The following SEC31A variants were observed in gnomAD, a reference collection of about 807,000 sequenced individuals.
The protein encoded by SEC31A is SEC31 homolog A, COPII component.
Under a neutral mutation model 151.0 loss-of-function variants are expected in SEC31A, and 70 were observed. That is an observed-to-expected ratio of 0.46 (90% CI 0.38 to 0.57). The LOEUF (loss-of-function observed/expected upper bound fraction) is 0.57, where lower values mean the gene tolerates loss of function less well. Ranked by LOEUF, SEC31A falls within the 20% of genes least tolerant of loss-of-function variation. The probability of loss-of-function intolerance (pLI) is 0.00; values close to 1 mark genes in which losing one functional copy is unlikely to be tolerated. For synonymous variants in SEC31A, 475 were observed against 505.9 expected, an observed-to-expected ratio of 0.94 and a Z score of 0.82; for missense variants, 1,330 against 1,471.2, an observed-to-expected ratio of 0.90 and a Z score of 1.57.
intron 19 of SEC31A, among the ~76,000 whole-genome samples, chr4:82,850,691 A>G (rs1731280386): frequency 6.6e-6 from 1 of 152,200 alleles, no homozygotes; most frequent in African/African-American, 2.4e-5. Context: ...CCCATGCTCC[A>G]TAACTGGGTT....
chr4:82,841,442 TTATATATATATATATA>T (rs58373170), intron 22 of SEC31A, among the ~76,000 whole-genome samples: 1 of 64,460 alleles, frequency 1.6e-5, no homozygotes, highest in Admixed American at 2.6e-4. Flanking sequence ...AAAAAAAATT[TTATATATATATATATA>T]TATATATATA....
chr4:82,848,275 C>T (rs1244948455), intron 20 of SEC31A, among the ~76,000 whole-genome samples: 1 of 149,340 alleles, frequency 6.7e-6, no homozygotes, highest in African/African-American at 2.5e-5. Flanking sequence ...ATTTCACAAA[C>T]CTTTGGTCAT....
chr4:82,867,219 C>T lies in SEC31A; in HGVS notation c.980G>A (p.Arg327His), dbSNP rs375167768. Residue 327 changes from arginine (R) to histidine (H), a missense_variant, in exon 9 of 27, where the codon CGT becomes CAT. Arg to His is a conservative substitution (Grantham distance 29). Transcript: ENST00000395310. The part of the protein sequence containing the change: ...AVLSAASFDG[R>H]ISVYSIMGGS... ...TCCCATGATAGAATAAACACTGATA[C>T]GCCCATCAAACGAAGCAGCTGATAA... 2.7e-5 allele frequency: 43 copies of T among 1,613,648 alleles called. No homozygotes were observed. Among genetic ancestry groups the T allele is most frequent in the Middle Eastern group, 3.3e-4 (2 of 6,084 alleles).
chr4:82,850,254 A>G (rs1731207366), intron 19 of SEC31A, among the ~76,000 whole-genome samples: 1 of 152,318 alleles, frequency 6.6e-6, no homozygotes, highest in Non-Finnish European at 1.5e-5. Flanking sequence ...ATACCTCAAT[A>G]TAACTATTTA....
intron 1 of SEC31A, among the ~76,000 whole-genome samples, chr4:82,888,200 C>G (rs1477513017): frequency 6.7e-6 from 1 of 149,626 alleles, no homozygotes; most frequent in Non-Finnish European, 1.5e-5. Context: ...CATGGCGAAA[C>G]CCCGTCTCCA....
chr4:82,852,974 C>T (rs1018738229), intron 18 of SEC31A, among the ~76,000 whole-genome samples: 4 of 152,146 alleles, frequency 2.6e-5, no homozygotes, highest in African/African-American at 9.7e-5. Context: ...CATAAGGGTT[C>T]GTGCTCCCAC....
At chr4:82,894,039 A>C (rs529495674), upstream of SEC31A, 12 of 152,320 alleles carry the variant, frequency 7.9e-5, no homozygotes, top group African/African-American at 2.9e-4. Flanking sequence ...GATGAGAGGG[A>C]TGAGCAGGAA....
At chr4:82,872,688 G>T (rs1736997480) in intron 6 of SEC31A, among the ~76,000 whole-genome samples, 2 of 152,046 alleles carry the variant, frequency 1.3e-5, no homozygotes, top group Admixed American at 1.3e-4. Flanking sequence ...TATAAGTTTA[G>T]AGAAAACATT....
At chr4:82,852,050 C>T (rs1466863071) in intron 18 of SEC31A, among the ~76,000 whole-genome samples, 2 of 152,150 alleles carry the variant, frequency 1.3e-5, no homozygotes, top group Non-Finnish European at 2.9e-5. Flanking sequence ...GGGAGAAACC[C>T]AGTGGGAGGT....
chr4:82,871,922 C>G (rs1308526090), intron 7 of SEC31A, 22 bp downstream of exon 7: 1 of 1,613,860 alleles, frequency 6.2e-7, no homozygotes, highest in African/African-American at 1.3e-5. Flanking sequence ...AAATCAAGTT[C>G]TTTGTAACAG....
At chr4:82,889,216 T>G (rs765004303) in intron 1 of SEC31A, among the ~76,000 whole-genome samples, 4 of 152,236 alleles carry the variant, frequency 2.6e-5, no homozygotes, top group Non-Finnish European at 5.9e-5. Context: ...GAAATTAACC[T>G]AATGACATTC....
At chr4:82,821,275 G>A (rs746463640) in intron 25 of SEC31A, 167 bp from the exon 26 acceptor site, 10 of 590,312 alleles carry the variant, frequency 1.7e-5, no homozygotes, top group African/African-American at 3.8e-5. Context: ...ATGGCCGGGC[G>A]TGGTGGCTCA....
intron 24 of SEC31A, among the ~76,000 whole-genome samples, chr4:82,826,102 T>C (rs1724483241): frequency 6.6e-6 from 1 of 152,214 alleles, no homozygotes; most frequent in African/African-American, 2.4e-5. Context: ...GAACACTATG[T>C]ATCTTTCTCT....
intron 6 of SEC31A, among the ~76,000 whole-genome samples, chr4:82,872,763 T>C (rs1181821569): frequency 6.6e-6 from 1 of 152,108 alleles, no homozygotes; most frequent in Non-Finnish European, 1.5e-5. Context: ...GAGTGCAGTG[T>C]GGCACGATCT....
intron 24 of SEC31A, among the ~76,000 whole-genome samples, chr4:82,825,378 G>A (rs1322099042): frequency 2.0e-5 from 3 of 152,090 alleles, no homozygotes; most frequent in Non-Finnish European, 2.9e-5. Context: ...CATCACCAAT[G>A]TACATAAAAT....
chr4:82,897,574 A>G (rs1720116947), intron 3 of SEC31A, among the ~76,000 whole-genome samples: 1 of 152,128 alleles, frequency 6.6e-6, no homozygotes, highest in African/African-American at 2.4e-5. Flanking sequence ...GTCTCTACCA[A>G]ATATACAAAA....
Position 82,842,269 on chromosome 4 carries a change from G to C in SEC31A, c.2839C>G (p.Pro947Ala), listed in dbSNP as rs201869730. Residue 947 changes from proline (P) to alanine (A), a missense_variant, in exon 22 of 27, where the codon CCT (proline) becomes GCT (alanine). Transcript: ENST00000395310. ...SSPATSFPPP[P>A]SSGASFQHGG... ...TGCTGGAAGGATGCTCCAGAGGAAG[G>C]GGGAGGAGGGAAAGAAGTAGCAGGG... 39 of 1,614,058 alleles carry C rather than the reference G, an allele frequency of 2.4e-5. No individual in the cohort carries two copies. Among genetic ancestry groups the C allele is most frequent in the South Asian group, 2.2e-4 (20 of 91,066 alleles).
chr4:82,861,588 T>C (rs769611642), intron 14 of SEC31A, 43 bp downstream of exon 14: 2 of 1,303,426 alleles, frequency 1.5e-6, no homozygotes, highest in South Asian at 1.3e-5. Flanking sequence ...GATACACAAA[T>C]ATCACAAATT....
At chr4:82,839,932 G>A (rs968490161) in intron 22 of SEC31A, among the ~76,000 whole-genome samples, 5 of 152,280 alleles carry the variant, frequency 3.3e-5, no homozygotes, top group African/African-American at 1.2e-4. Flanking sequence ...ATTTAATTTA[G>A]ATTATAAAGT....
Sources: gnomAD v4.1 joint callset for allele counts (sites outside exome capture counted in the v4.1 genomes callset) on GRCh38, gnomAD v4.1.1 for gene constraint, MANE v1.5 for transcripts, NCBI Gene and HGNC (gene_info 2026-07-23, HGNC 2026-07-21) for gene names.